Variants in MAP3K5 observed in about 807,000 individuals in gnomAD.
The protein encoded by MAP3K5 is ASK-1.
MAP3K5 carries 56 observed loss-of-function variants against 158.7 expected under a neutral mutation model. The observed-to-expected ratio is 0.35, with a 90% CI of 0.28 to 0.44. The LOEUF (loss-of-function observed/expected upper bound fraction) is 0.44. MAP3K5 is among the 20% of genes least tolerant of loss of function. The pLI is 1.00. For missense variants in MAP3K5, 1,294 were observed against 1,674.8 expected (o/e 0.77, Z 3.97); for synonymous variants, 579 against 601.7 (o/e 0.96, Z 0.55).
At chr6:136,659,630 GT>G (rs1475830430) in intron 8 of MAP3K5, among the ~76,000 whole-genome samples, 6 of 152,150 alleles carry the variant, frequency 3.9e-5, no homozygotes, top group African/African-American at 1.4e-4. Context: ...AAAGACAAAG[GT>G]TGAGTGATTC....
At chr6:136,647,265 G>A (rs1202040479) in intron 11 of MAP3K5, among the ~76,000 whole-genome samples, 5 of 152,150 alleles carry the variant, frequency 3.3e-5, no homozygotes, top group Non-Finnish European at 7.4e-5. Context: ...CTTGTTCCAA[G>A]CCACTTAGCA....
chr6:136,773,975 C>T (rs1784310733), intron 1 of MAP3K5, among the ~76,000 whole-genome samples: 2 of 152,098 alleles, frequency 1.3e-5, no homozygotes, highest in Non-Finnish European at 1.5e-5. Flanking sequence ...TCTTTAAATG[C>T]CAGTGTTTCC....
intron 1 of MAP3K5, among the ~76,000 whole-genome samples, chr6:136,725,127 T>G (rs1781912239): frequency 6.6e-6 from 1 of 152,228 alleles, no homozygotes; most frequent in African/African-American, 2.4e-5. Flanking sequence ...GACATTCAGG[T>G]TGTCTCCAGG....
intron 25 of MAP3K5, among the ~76,000 whole-genome samples, chr6:136,571,613 A>T (rs1208168037): frequency 6.6e-6 from 1 of 152,230 alleles, no homozygotes; most frequent in African/African-American, 2.4e-5. Flanking sequence ...ATAATATTCC[A>T]TTATATGTAT....
At chr6:136,700,061 G>A (rs1053929793) in intron 3 of MAP3K5, among the ~76,000 whole-genome samples, 5 of 152,058 alleles carry the variant, frequency 3.3e-5, no homozygotes, top group African/African-American at 1.2e-4. Flanking sequence ...GTGACAGAGC[G>A]AGACTCTGTC....
intron 1 of MAP3K5, among the ~76,000 whole-genome samples, chr6:136,741,802 G>T (rs1782718688): frequency 6.6e-6 from 1 of 152,028 alleles, no homozygotes; most frequent in African/African-American, 2.4e-5. Context: ...CAGGGTTTCA[G>T]GATTCAAGAT....
chr6:136,565,388 T>C (rs1187371027), intron 26 of MAP3K5, among the ~76,000 whole-genome samples: 2 of 152,150 alleles, frequency 1.3e-5, no homozygotes, highest in African/African-American at 2.4e-5. Flanking sequence ...TCCAGAACTG[T>C]AGGATGGGGA....
intron 23 of MAP3K5, among the ~76,000 whole-genome samples, chr6:136,589,528 T>C (rs1244473642): frequency 1.3e-5 from 2 of 152,190 alleles, no homozygotes; most frequent in African/African-American, 4.8e-5. Flanking sequence ...AGGGAACACA[T>C]TTTCCCAGGT....
Position 136,562,586 on chromosome 6 carries a change from T to C in MAP3K5, c.3791A>G (p.Lys1264Arg). ...RLLEELVRKE[K>R]ELQALLHRAI... ...TCGATGAAGGAGTGCTTGTAATTCT[T>C]TCTCTTTCCGAACCAATTCTTCCAG... is the stretch of plus-strand genomic sequence containing the variant. The change falls in exon 27 of 30, where the codon AAA becomes AGA. Residue 1264 changes from lysine (K) to arginine (R), a missense_variant. By Grantham distance (26) the Lys-to-Arg change is conservative (BLOSUM62 2). Coordinates refer to ENST00000359015, the MANE Select transcript of MAP3K5 (RefSeq NM_005923.4). The C allele has an allele frequency of 6.2e-7, 1 of 1,604,636 alleles. No homozygotes were observed. The highest frequency in any genetic ancestry group is 8.5e-7 in the Non-Finnish European group (1 of 1,175,436).
At chr6:136,659,869 C>T (rs895803977) in intron 8 of MAP3K5, among the ~76,000 whole-genome samples, 3 of 152,074 alleles carry the variant, frequency 2.0e-5, no homozygotes, top group African/African-American at 4.8e-5. Context: ...ATTTTTGTTA[C>T]GTACATTTTA....
At chr6:136,568,520 CAATTTTCCAACTTAA>C (rs1774220395) in intron 25 of MAP3K5, among the ~76,000 whole-genome samples, 1 of 152,140 alleles carries the variant, frequency 6.6e-6, no homozygotes, top group Admixed American at 6.5e-5. Flanking sequence ...ATAGAAGTTA[CAATTTTCCAACTTAA>C]ACATACTATA....
At position 136,637,312 on chromosome 6, in the gene MAP3K5, C is replaced by T. The variant is rs368183328; in HGVS notation, c.2016+13G>A. On this transcript the variant is annotated intron_variant, in intron 14 of 29. Transcript: ENST00000359015. The stretch of plus-strand genomic sequence containing the variant: ...AATGAGCTCTAAATGTAAATGGACA[C>T]CTAAGTCATTACCTCCAGCAAGTCA... 3.3e-5 allele frequency: 53 copies of T among 1,588,726 alleles called. No homozygotes were observed. Among genetic ancestry groups the T allele is most frequent in the Non-Finnish European group, 4.0e-5 (46 of 1,157,018 alleles).
intron 2 of MAP3K5, among the ~76,000 whole-genome samples, chr6:136,719,771 A>G (rs972561800): frequency 2.0e-5 from 3 of 152,204 alleles, no homozygotes; most frequent in Non-Finnish European, 4.4e-5. Flanking sequence ...CACAAAGGAA[A>G]TGGATGATGG....
At chr6:136,566,099 C>T (rs1774095875) in intron 26 of MAP3K5, among the ~76,000 whole-genome samples, 1 of 152,000 alleles carries the variant, frequency 6.6e-6, no homozygotes. Context: ...CGGAAGCCCT[C>T]AGGGACTGCA....
At chr6:136,700,079 C>T (rs796273152) in intron 3 of MAP3K5, among the ~76,000 whole-genome samples, 36 of 146,804 alleles carry the variant, frequency 2.5e-4, no homozygotes, top group African/African-American at 6.6e-4. Context: ...GTCAGGAGAA[C>T]GAAAGAATGA....
intron 7 of MAP3K5, among the ~76,000 whole-genome samples, chr6:136,681,955 G>C (rs1779957998): frequency 6.6e-6 from 1 of 152,014 alleles, no homozygotes; most frequent in Non-Finnish European, 1.5e-5. Context: ...ACCTCAACTT[G>C]GTCATGCCAT....
chr6:136,589,656 C>T (rs1775296332), intron 23 of MAP3K5, among the ~76,000 whole-genome samples: 1 of 152,002 alleles, frequency 6.6e-6, no homozygotes, highest in South Asian at 2.1e-4. Flanking sequence ...AAGGGTGGGG[C>T]CCTAATCCAA....
intron 23 of MAP3K5, among the ~76,000 whole-genome samples, chr6:136,587,284 T>C (rs1027356719): frequency 1.3e-5 from 2 of 152,198 alleles, no homozygotes; most frequent in Non-Finnish European, 2.9e-5. Context: ...ATGGCAATAA[T>C]TACTTCTGAT....
rs1048033933 is a variant in MAP3K5, at chr6:136,697,076, A to C, written c.975+143T>G. 6 of 521,582 alleles carry C rather than the reference A, an allele frequency of 1.2e-5. No homozygotes were observed. In the Admixed American group the frequency reaches 2.3e-4, roughly 20 times the overall value. The allele number at this position is 521,582 out of a possible 1,614,324, so 32.3% of individuals were successfully genotyped here. A position where few individuals can be genotyped will look rare whatever the true frequency, so the allele number is the denominator to read the frequency against. On this transcript the variant is annotated intron_variant, in intron 5 of 29. Coordinates refer to ENST00000359015, the MANE Select transcript of MAP3K5 (RefSeq NM_005923.4). ...TCTTTTTCATTCATCATAAAATTAT[A>C]GGATGGAAAGCTTAAGAGAGTCAAT...
Sources: gnomAD v4.1 joint callset for allele counts (sites outside exome capture counted in the v4.1 genomes callset) on GRCh38, gnomAD v4.1.1 for gene constraint, MANE v1.5 for transcripts, NCBI Gene and HGNC (gene_info 2026-07-23, HGNC 2026-07-21) for gene names.